The following FGGY variants were observed in gnomAD, a reference collection of about 807,000 sequenced individuals.
The protein encoded by FGGY is FGGY carbohydrate kinase domain-containing protein.
FGGY carries 72 observed loss-of-function variants against 71.3 expected under a neutral mutation model. The observed-to-expected ratio is 1.01, with a 90% CI of 0.84 to 1.23. The LOEUF (loss-of-function observed/expected upper bound fraction) is 1.23, where lower values mean the gene tolerates loss of function less well. Ranked by LOEUF, FGGY falls within the 50% of genes most tolerant of loss-of-function variation. The pLI is 0.00. For missense variants in FGGY, 668 were observed against 682.3 expected (o/e 0.98, Z 0.23); for synonymous variants, 251 against 250.3 (o/e 1.00, Z -0.02).
intron 9 of FGGY, among the ~76,000 whole-genome samples, chr1:59,612,525 C>G (rs907370734): frequency 5.3e-5 from 8 of 152,148 alleles, no homozygotes; most frequent in Admixed American, 1.3e-4. Context: ...ACAACTGGTA[C>G]CAGCCACTGC....
chr1:59,342,454 C>G (rs1215935719), intron 3 of FGGY, among the ~76,000 whole-genome samples: 1 of 152,148 alleles, frequency 6.6e-6, no homozygotes, highest in African/African-American at 2.4e-5. Context: ...AAAAAGGTAA[C>G]TAGGTTATCA....
intron 14 of FGGY, among the ~76,000 whole-genome samples, chr1:59,691,633 TTTC>T (rs2097588025): frequency 1.3e-5 from 2 of 150,458 alleles, no homozygotes; most frequent in South Asian, 4.1e-4. Flanking sequence ...GTTCTTTTTT[TTTC>T]TTTTCTTTTT....
intron 1 of FGGY, among the ~76,000 whole-genome samples, chr1:59,302,455 T>C (rs2042905293): frequency 6.6e-6 from 1 of 152,210 alleles, no homozygotes; most frequent in Admixed American, 6.5e-5. Context: ...GTGGTACATA[T>C]GCACCATGGA....
chr1:59,755,886 C>G (rs1285847845), intron 14 of FGGY: 1 of 152,122 alleles, frequency 6.6e-6, no homozygotes, highest in Non-Finnish European at 1.5e-5. Flanking sequence ...TCAGAGCTGG[C>G]AATAGAAGGC....
chr1:59,319,780 T>C (rs1323461726), intron 1 of FGGY, among the ~76,000 whole-genome samples: 1 of 151,782 alleles, frequency 6.6e-6, no homozygotes, highest in African/African-American at 2.4e-5. Context: ...CTGTGGAGGG[T>C]GTGAGATCCC....
chr1:59,749,617 C>T (rs1181738507), intron 14 of FGGY, among the ~76,000 whole-genome samples: 5 of 152,126 alleles, frequency 3.3e-5, no homozygotes, highest in African/African-American at 1.2e-4. Context: ...TGGCCAGGCA[C>T]AGTTCTTGGT....
intron 6 of FGGY, among the ~76,000 whole-genome samples, chr1:59,484,840 GT>G (rs963623618): frequency 8.6e-5 from 13 of 151,742 alleles, no homozygotes; most frequent in African/African-American, 2.7e-4. Flanking sequence ...TTAGCATTCA[GT>G]TTTTTTTCTC....
intron 5 of FGGY, among the ~76,000 whole-genome samples, chr1:59,407,785 T>A (rs2062986911): frequency 6.6e-6 from 1 of 152,186 alleles, no homozygotes; most frequent in Non-Finnish European, 1.5e-5. Flanking sequence ...AAGCCATGGC[T>A]GCACCCCCTG....
At chr1:59,456,074 T>C (rs1162379394) in intron 5 of FGGY, among the ~76,000 whole-genome samples, 2 of 152,178 alleles carry the variant, frequency 1.3e-5, no homozygotes, top group Admixed American at 6.5e-5. Context: ...TTTTTTATCA[T>C]AGAAACTTTT....
intron 7 of FGGY, among the ~76,000 whole-genome samples, chr1:59,517,104 C>T (rs1454389478): frequency 1.3e-5 from 2 of 152,094 alleles, no homozygotes; most frequent in Non-Finnish European, 2.9e-5. Context: ...GGGGGTGGTT[C>T]TGGCCAGGGC....
At chr1:59,594,563 C>G (rs1217880687) in intron 8 of FGGY, among the ~76,000 whole-genome samples, 1 of 152,154 alleles carries the variant, frequency 6.6e-6, no homozygotes, top group African/African-American at 2.4e-5. Flanking sequence ...TCCACTAGCC[C>G]CCACGCCTCA....
chr1:59,535,307 T>C (rs1350158679), intron 7 of FGGY, among the ~76,000 whole-genome samples: 1 of 152,104 alleles, frequency 6.6e-6, no homozygotes. Context: ...GTGCACCCAA[T>C]ACAGGAGCAC....
chr1:59,447,413 G>A (rs966010027), intron 5 of FGGY, among the ~76,000 whole-genome samples: 1 of 152,104 alleles, frequency 6.6e-6, no homozygotes, highest in Non-Finnish European at 1.5e-5. Context: ...GAGCTTGAGG[G>A]CTGGCCTGCA....
chr1:59,685,431 C>T (rs941731080), intron 14 of FGGY, among the ~76,000 whole-genome samples: 4 of 151,776 alleles, frequency 2.6e-5, no homozygotes, highest in African/African-American at 9.7e-5. Flanking sequence ...TACTCTGCTT[C>T]CATAAAGGAT....
At chr1:59,525,471 G>A (rs1236651762) in intron 7 of FGGY, among the ~76,000 whole-genome samples, 1 of 152,154 alleles carries the variant, frequency 6.6e-6, no homozygotes, top group Non-Finnish European at 1.5e-5. Flanking sequence ...CTGAGAAATG[G>A]GAATAATAGT....
At chr1:59,443,920 C>T (rs1056696167) in intron 5 of FGGY, among the ~76,000 whole-genome samples, 2 of 152,088 alleles carry the variant, frequency 1.3e-5, no homozygotes, top group African/African-American at 2.4e-5. Context: ...CAAAGGGGTT[C>T]AGAAGAACTA....
chr1:59,326,664 A>G (rs763439475), intron 2 of FGGY, among the ~76,000 whole-genome samples: 51 of 152,332 alleles, frequency 3.3e-4, no homozygotes, highest in South Asian at 4.1e-4. Flanking sequence ...TATTATTCCA[A>G]GAACCTAACT....
rs377656654 is a variant in FGGY at position 59,410,018 on chromosome 1, T to C, written c.554+31181T>C. Among the ~76,000 whole-genome samples the C allele has an allele frequency of 1.6e-4, 24 of 152,268 alleles. No homozygotes were observed. In the East Asian group the frequency reaches 1.9e-3, roughly 12 times the overall value. ...CACCAGGATTTGAGCCCAGGTCTGA[T>C]TCCAGAACTTATGCCATGCCCACTA... On this transcript the variant is annotated intron_variant, in intron 5 of 15. Coordinates refer to ENST00000303721, the MANE Select transcript of FGGY (RefSeq NM_018291.5).
At chr1:59,457,304 C>T (rs1297556052) in intron 6 of FGGY, among the ~76,000 whole-genome samples, 1 of 152,122 alleles carries the variant, frequency 6.6e-6, no homozygotes, top group Non-Finnish European at 1.5e-5. Context: ...TGAAAATCTG[C>T]ATTGAAATAT....
Sources: allele counts gnomAD v4.1 joint callset (sites outside exome capture counted in the v4.1 genomes callset), GRCh38; gene constraint gnomAD v4.1.1; transcripts MANE v1.5; gene names NCBI Gene and HGNC (gene_info 2026-07-23, HGNC 2026-07-21).